Variants in IQCJ observed in about 807,000 individuals in gnomAD.
The protein encoded by IQCJ is IQ domain-containing protein J.
A neutral mutation model predicts 11.0 loss-of-function variants in IQCJ; 9 were observed. The ratio of observed to expected loss-of-function variants is 0.82; its 90% CI spans 0.49 to 1.43. IQCJ has a LOEUF of 1.43. Among genes scored for constraint, IQCJ ranks in the 40% most tolerant of loss-of-function variants. The probability of loss-of-function intolerance (pLI) is 0.00; values close to 1 mark genes in which losing one functional copy is unlikely to be tolerated. For synonymous variants in IQCJ, 55 were observed against 51.3 expected (o/e 1.07, Z -0.31); for missense variants, 146 against 133.2 (o/e 1.10, Z -0.47).
chr3:159,221,051 G>A (rs1437217147), intron 1 of IQCJ, among the ~76,000 whole-genome samples: 2 of 152,104 alleles, frequency 1.3e-5, no homozygotes, highest in Non-Finnish European at 2.9e-5. Flanking sequence ...ATAGAATAAG[G>A]CAGCAGAGAT....
intron 1 of IQCJ, among the ~76,000 whole-genome samples, chr3:159,145,117 T>G (rs1342994088): frequency 6.6e-6 from 1 of 152,236 alleles, no homozygotes; most frequent in African/African-American, 2.4e-5. Context: ...GGAGTTTCAG[T>G]CTTTTGCTTT....
chr3:159,236,534 G>A (rs1243796392), intron 1 of IQCJ, among the ~76,000 whole-genome samples: 2 of 152,086 alleles, frequency 1.3e-5, no homozygotes, highest in Non-Finnish European at 2.9e-5. Flanking sequence ...TCTGAAGTTG[G>A]GCTGTGCAGC....
chr3:159,163,379 C>T (rs1224049812), intron 1 of IQCJ, among the ~76,000 whole-genome samples: 2 of 152,182 alleles, frequency 1.3e-5, no homozygotes, highest in Non-Finnish European at 2.9e-5. Context: ...AACAACCCTT[C>T]ATGCTAAAAA....
chr3:159,229,278 G>A (rs1418247712), intron 1 of IQCJ, among the ~76,000 whole-genome samples: 1 of 150,946 alleles, frequency 6.6e-6, no homozygotes, highest in Non-Finnish European at 1.5e-5. Context: ...GAGCACATGG[G>A]TCCACTCTTA....
chr3:159,194,916 G>C (rs1404520977), intron 1 of IQCJ, among the ~76,000 whole-genome samples: 1 of 151,816 alleles, frequency 6.6e-6, no homozygotes, highest in African/African-American at 2.4e-5. Context: ...TTTGAGACCA[G>C]CCTGGCCAAC....
chr3:159,173,949 A>G (rs1213488193), intron 1 of IQCJ, among the ~76,000 whole-genome samples: 1 of 152,006 alleles, frequency 6.6e-6, no homozygotes, highest in East Asian at 1.9e-4. Flanking sequence ...TTCTCATTAA[A>G]TCCTATATGT....
chr3:159,236,255 G>A (rs1182284286), intron 1 of IQCJ, among the ~76,000 whole-genome samples: 1 of 114,286 alleles, frequency 8.7e-6, no homozygotes, highest in Non-Finnish European at 1.8e-5. Context: ...TAAACAAAAT[G>A]TATGCTCCTT....
At chr3:159,235,256 A>C (rs1213008793) in intron 1 of IQCJ, among the ~76,000 whole-genome samples, 2 of 152,216 alleles carry the variant, frequency 1.3e-5, no homozygotes, top group African/African-American at 4.8e-5. Context: ...TCCTGCTGTT[A>C]AGCTGAATTA....
intron 1 of IQCJ, chr3:159,069,842 CTTGT>C (rs1334260206): frequency 7.7e-6 from 3 of 387,632 alleles, no homozygotes; most frequent in Non-Finnish European, 1.5e-5. Flanking sequence ...GCCCTCCTTT[CTTGT>C]GTGTGTGTGT....
At chr3:159,127,272 G>A (rs566161793) in intron 1 of IQCJ, among the ~76,000 whole-genome samples, 1 of 152,268 alleles carries the variant, frequency 6.6e-6, no homozygotes, top group Admixed American at 6.5e-5. Context: ...TTTCCACCAG[G>A]CAGAGGGAGT....
intron 1 of IQCJ, among the ~76,000 whole-genome samples, chr3:159,146,449 AAAG>A (rs1297851895): frequency 6.6e-6 from 1 of 152,150 alleles, no homozygotes; most frequent in African/African-American, 2.4e-5. Flanking sequence ...CAGCCACATA[AAAG>A]AAGAAGGAGA....
At chr3:159,135,815 G>C (rs1720257585) in intron 1 of IQCJ, among the ~76,000 whole-genome samples, 1 of 152,178 alleles carries the variant, frequency 6.6e-6, no homozygotes, top group South Asian at 2.1e-4. Context: ...GTAACCTTTA[G>C]GCAGCCATGA....
intron 1 of IQCJ, among the ~76,000 whole-genome samples, chr3:159,193,536 G>C (rs1723808380): frequency 6.6e-6 from 1 of 152,164 alleles, no homozygotes; most frequent in Non-Finnish European, 1.5e-5. Flanking sequence ...CTCTAAAGTG[G>C]TTTACTTGGT....
At chr3:159,244,304 C>G (rs1304096078) in intron 1 of IQCJ, among the ~76,000 whole-genome samples, 2 of 152,134 alleles carry the variant, frequency 1.3e-5, no homozygotes, top group African/African-American at 2.4e-5. Context: ...GGACTGGCAG[C>G]TGGCATGTTT....
intron 1 of IQCJ, among the ~76,000 whole-genome samples, chr3:159,121,576 AT>A (rs1174291295): frequency 1.3e-5 from 2 of 152,158 alleles, no homozygotes; most frequent in Admixed American, 6.5e-5. Flanking sequence ...TGCCTTTTCA[AT>A]TTTTTGTCTG....
At chr3:159,131,172 C>T (rs190214601) in intron 1 of IQCJ, among the ~76,000 whole-genome samples, 1 of 152,150 alleles carries the variant, frequency 6.6e-6, no homozygotes. Flanking sequence ...CCACATGGTG[C>T]TAGTTGTGTG....
intron 1 of IQCJ, among the ~76,000 whole-genome samples, chr3:159,184,330 C>T (rs1448164653): frequency 2.6e-5 from 4 of 152,108 alleles, no homozygotes; most frequent in African/African-American, 4.8e-5. Flanking sequence ...TTATTTGGGT[C>T]TCAGCTTAAA....
chr3:159,117,821 G>T (rs1327359268), intron 1 of IQCJ, among the ~76,000 whole-genome samples: 4 of 152,106 alleles, frequency 2.6e-5, no homozygotes, highest in Non-Finnish European at 5.9e-5. Context: ...AATATTACCA[G>T]CTTATTTAAA....
intron 1 of IQCJ, among the ~76,000 whole-genome samples, chr3:159,094,468 A>G (rs1319889798): frequency 9.3e-6 from 1 of 107,788 alleles, no homozygotes; most frequent in African/African-American, 3.8e-5. Flanking sequence ...AGTTTTAAAT[A>G]TATGTCCATG....
Sources: allele counts gnomAD v4.1 joint callset (sites outside exome capture counted in the v4.1 genomes callset), GRCh38; gene constraint gnomAD v4.1.1; transcripts MANE v1.5; gene names NCBI Gene and HGNC (gene_info 2026-07-23, HGNC 2026-07-21).